RNF103: variants seen among roughly 807,000 people sequenced by gnomAD.
The protein encoded by RNF103 is E3 ubiquitin-protein ligase RNF103.
In RNF103, 23 loss-of-function variants were observed where a neutral mutation model predicts 66.2. The ratio of observed to expected loss-of-function variants is 0.35; its 90% confidence interval spans 0.25 to 0.49. The LOEUF (loss-of-function observed/expected upper bound fraction) is 0.49, where lower values mean the gene tolerates loss of function less well. Among genes scored for constraint, RNF103 ranks in the 20% least tolerant of loss-of-function variants. The pLI is 0.98. For synonymous variants in RNF103, 297 were observed against 289.9 expected (o/e 1.02, Z -0.25); for missense variants, 730 against 814.7 (o/e 0.90, Z 1.27).
rs373525472 is a variant in RNF103 at position 86,622,686 on chromosome 2, A to G, written c.201T>C (p.Asp67=). 6.8e-6 allele frequency: 11 copies of G among 1,614,000 alleles called. No homozygotes were observed. Among genetic ancestry groups the G allele is most frequent in the African/African-American group, 1.3e-5 (1 of 74,918 alleles). ...LGYSGLPEKK[D]VRELVEKSGD... ...CTGACTTTTCCACCAGCTCCCGGAC[A>G]TCCTTCTTCTCGGGCAACCCTGAGT... Residue 67 remains aspartate, a synonymous_variant, in exon 1 of 4, where the codon GAT becomes GAC. Coordinates refer to ENST00000237455, the MANE Select transcript of RNF103 (RefSeq NM_005667.4).
At position 86,605,061 on chromosome 2, in the gene RNF103, A is replaced by G. The variant is rs771983283; in HGVS notation, c.840T>C (p.Ile280=). 2 of 1,613,882 alleles carry G rather than the reference A, an allele frequency of 1.2e-6. No homozygotes were observed. The highest frequency in any genetic ancestry group is 2.2e-5 in the South Asian group (2 of 91,052). Residue 280 remains isoleucine, a synonymous_variant, in exon 4 of 4, where the codon ATT becomes ATC. Coordinates refer to ENST00000237455, the MANE Select transcript of RNF103 (RefSeq NM_005667.4). ...TGTATGATGGCATATTATATATGCC[A>G]ATATCTGTCATATAACTCTTGTTGT... ...NWDNKSYMTD[I]GIYNMPSYIL... is the part of the protein sequence containing the mutation.
chr2:86,606,389 G>A (rs1678546610), intron 3 of RNF103, among the ~76,000 whole-genome samples: 1 of 152,070 alleles, frequency 6.6e-6, no homozygotes, highest in South Asian at 2.1e-4. Flanking sequence ...AACAGGCTGG[G>A]TGCAGTGGCT....
chr2:86,604,183 G>A lies in RNF103; in HGVS notation c.1718C>T (p.Ala573Val). The change falls in exon 4 of 4, where the codon GCT becomes GTT. Residue 573 changes from alanine (A) to valine (V), a missense_variant. Ala to Val is a moderately conservative substitution (Grantham distance 64). Coordinates refer to ENST00000237455, the MANE Select transcript of RNF103 (RefSeq NM_005667.4). ...TTTATTGGCACATGAACAAGCCTCAGCATCACAGTGACTTGCTGTTCCTGG... is the reference window on the plus strand; with the variant it reads ...TTTATTGGCACATGAACAAGCCTCAACATCACAGTGACTTGCTGTTCCTGG... ...NSPGTASHCD[A>V]EACSCANKYC... is the part of the protein sequence containing the mutation. The A allele has an allele frequency of 6.2e-7, 1 of 1,613,832 alleles. No individual in the cohort carries two copies. The highest frequency in any genetic ancestry group is 8.5e-7 in the Non-Finnish European group (1 of 1,180,036).
At chr2:86,621,379 CT>C (rs1679220950) in intron 1 of RNF103, among the ~76,000 whole-genome samples, 1 of 152,176 alleles carries the variant, frequency 6.6e-6, no homozygotes, top group South Asian at 2.1e-4. Flanking sequence ...TGAGACACTT[CT>C]CATCTCTAAA....
At chr2:86,622,529 T>C in intron 1 of RNF103, 132 bp downstream of exon 1, 2 of 819,000 alleles carry the variant, frequency 2.4e-6, no homozygotes, top group East Asian at 2.5e-5. Flanking sequence ...GTAGGAAGCT[T>C]GGACGAAGAA....
At position 86,604,111 on chromosome 2, in the gene RNF103, G is replaced by A. The variant is rs1427734521; in HGVS notation, c.1790C>T (p.Ser597Leu). 7 of 1,613,288 alleles carry A rather than the reference G, an allele frequency of 4.3e-6. No homozygotes were observed. The highest frequency in any genetic ancestry group is 5.1e-6 in the Non-Finnish European group (6 of 1,180,042). ...TTCCATATCTTCATTAGTGTTATAT[G>A]ATCCATATGACCTCCCCTTCCTTTC... ...PCERKGRSYGSYNTNEDMEPD... is the reference protein window; with the variant it reads ...PCERKGRSYGLYNTNEDMEPD... The change falls in exon 4 of 4, where the codon TCA (serine) becomes TTA (leucine). Residue 597 changes from serine (S) to leucine (L), a missense_variant. By Grantham distance (145) the Ser-to-Leu change is moderately radical. Transcript: ENST00000237455.
intron 2 of RNF103, among the ~76,000 whole-genome samples, chr2:86,619,765 T>TA (rs1679154123): frequency 6.6e-6 from 1 of 152,188 alleles, no homozygotes; most frequent in Non-Finnish European, 1.5e-5. Context: ...TCTAATATGC[T>TA]AATTAAGTCT....
intron 3 of RNF103, 151 bp from the exon 4 acceptor site, chr2:86,605,569 G>A: frequency 1.5e-6 from 1 of 671,394 alleles, no homozygotes; most frequent in Admixed American, 3.6e-5. Flanking sequence ...TGAAAAACAA[G>A]CTCTGTTTTT....
At chr2:86,612,011 A>C in intron 3 of RNF103, 148 bp downstream of exon 3, 1 of 487,092 alleles carries the variant, frequency 2.1e-6, no homozygotes, top group East Asian at 3.4e-5. Flanking sequence ...TTTATCAAAA[A>C]CCATTAATCA....
At chr2:86,605,882 A>G (rs912648350) in intron 3 of RNF103, among the ~76,000 whole-genome samples, 1 of 152,192 alleles carries the variant, frequency 6.6e-6, no homozygotes, top group Non-Finnish European at 1.5e-5. Context: ...TAGGTCTTGA[A>G]GGATGGTTAG....
At chr2:86,611,791 G>T (rs936041098) in intron 3 of RNF103, among the ~76,000 whole-genome samples, 6 of 152,128 alleles carry the variant, frequency 3.9e-5, no homozygotes, top group African/African-American at 1.2e-4. Context: ...AATGATAGAA[G>T]ATTTATATCA....
chr2:86,614,693 TATTTTTATTGCTACCAC>T, intron 2 of RNF103: 9 of 874,152 alleles, frequency 1.0e-5, no homozygotes, highest in Non-Finnish European at 1.2e-5. Flanking sequence ...TATTTTATTT[TATTTTTATTGCTACCAC>T]TCAAGAGTCA....
At chr2:86,605,812 T>A (rs1255953010) in intron 3 of RNF103, among the ~76,000 whole-genome samples, 1 of 152,184 alleles carries the variant, frequency 6.6e-6, no homozygotes, top group Non-Finnish European at 1.5e-5. Context: ...TGCTAAATAA[T>A]GCAAAAGAAG....
Position 86,622,693 on chromosome 2 carries a change from T to C in RNF103, c.194A>G (p.Lys65Arg), listed in dbSNP as rs1381995303. The change falls in exon 1 of 4, where the codon AAG becomes AGG. Residue 65 changes from lysine to arginine, a missense_variant. Lys to Arg is a conservative substitution (Grantham distance 26). Coordinates refer to ENST00000237455, the MANE Select transcript of RNF103 (RefSeq NM_005667.4). ...TTCCACCAGCTCCCGGACATCCTTC[T>C]TCTCGGGCAACCCTGAGTAGCCCAA... ...RGLGYSGLPE[K>R]KDVRELVEKS... 5 of 1,614,116 alleles carry C rather than the reference T, an allele frequency of 3.1e-6. No homozygotes were observed. The highest frequency in any genetic ancestry group is 1.7e-5 in the Admixed American group (1 of 60,010).
Position 86,612,170 on chromosome 2 carries a change from G to C in RNF103, c.471C>G (p.Ser157=), listed in dbSNP as rs1352813746. 3 of 1,608,126 alleles carry C rather than the reference G, an allele frequency of 1.9e-6. No homozygotes were observed. The highest frequency in any genetic ancestry group is 2.5e-6 in the Non-Finnish European group (3 of 1,177,432). The change falls in exon 3 of 4, where the codon TCC becomes TCG. Residue 157 remains serine (S), a synonymous_variant. Coordinates refer to ENST00000237455, the MANE Select transcript of RNF103 (RefSeq NM_005667.4). ...CCTAATCAACTTACCTGGGATCACT[G>C]GAACAGTTAAATGTGCCTGTACGTA... ...FGIRTGTFNC[S]SDPRYCRRRG...
chr2:86,603,795 G>T lies in RNF103; in HGVS notation c.*48C>A. 6.5e-7 allele frequency: 1 copy of T among 1,541,690 alleles called. No homozygotes were observed. Among genetic ancestry groups the T allele is most frequent in the Non-Finnish European group, 8.7e-7 (1 of 1,148,346 alleles). On this transcript the variant is annotated 3_prime_UTR_variant, in exon 4 of 4. Coordinates refer to ENST00000237455, the MANE Select transcript of RNF103 (RefSeq NM_005667.4). The stretch of plus-strand genomic sequence containing the variant: ...AAAACATTGTGACTAACATTAAAAA[G>T]GCAAGCTGTAAGATACTCAAAGCTT...
At position 86,604,179 on chromosome 2, in the gene RNF103, C is replaced by T. The variant is rs1451534445; in HGVS notation, c.1722G>A (p.Glu574=). The change falls in exon 4 of 4, where the codon GAG becomes GAA. Residue 574 remains glutamate (E), a synonymous_variant. Coordinates refer to ENST00000237455, the MANE Select transcript of RNF103 (RefSeq NM_005667.4). The part of the protein sequence containing the change: ...SPGTASHCDA[E]ACSCANKYCQ... The stretch of plus-strand genomic sequence containing the variant: ...AATATTTATTGGCACATGAACAAGC[C>T]TCAGCATCACAGTGACTTGCTGTTC... The T allele has an allele frequency of 2.5e-6, 4 of 1,613,814 alleles. No individual in the cohort carries two copies. Among genetic ancestry groups the T allele is most frequent in the East Asian group, 2.2e-5 (1 of 44,890 alleles).
In RNF103 at chr2:86,622,757, T is replaced by G; in HGVS notation, c.130A>C (p.Ser44Arg). 1 of 1,614,070 alleles carries G rather than the reference T, an allele frequency of 6.2e-7. No individual in the cohort carries two copies. Among genetic ancestry groups the G allele is most frequent in the South Asian group, 1.1e-5 (1 of 91,076 alleles). The change falls in exon 1 of 4, where the codon AGC becomes CGC. Residue 44 changes from serine to arginine, a missense_variant. Physicochemically the swap from Ser to Arg is moderately radical, Grantham distance 110. Coordinates refer to ENST00000237455, the MANE Select transcript of RNF103 (RefSeq NM_005667.4). ...AAAATGGTCTTCAGCTTCTTGAAGC[T>G]CAGCGCCACCGGATCCACCAGCTGG... ...ATQLVDPVALSFKKLKTILEC... is the reference protein window; with the variant it reads ...ATQLVDPVALRFKKLKTILEC...
At chr2:86,620,799 T>G (rs1679202852) in intron 1 of RNF103, among the ~76,000 whole-genome samples, 1 of 152,174 alleles carries the variant, frequency 6.6e-6, no homozygotes, top group South Asian at 2.1e-4. Context: ...CACAACTTTC[T>G]TAATTATTTA....
Sources: allele counts gnomAD v4.1 joint callset (sites outside exome capture counted in the v4.1 genomes callset), GRCh38; gene constraint gnomAD v4.1.1; transcripts MANE v1.5; gene names NCBI Gene and HGNC (gene_info 2026-07-23, HGNC 2026-07-21).